Variants in SBF2 observed in about 807,000 individuals in gnomAD.
SBF2 encodes the protein myotubularin-related protein 13.
Under a neutral mutation model 225.2 loss-of-function variants are expected in SBF2, and 112 were observed. The ratio of observed to expected loss-of-function variants is 0.50; its 90% CI spans 0.43 to 0.58. SBF2 has a LOEUF of 0.58. Among genes scored for constraint, SBF2 ranks in the 20% least tolerant of loss-of-function variants. SBF2 has a pLI of 0.00. For missense variants in SBF2, 1,996 were observed against 2,206.2 expected (o/e 0.90, Z 1.91); for synonymous variants, 763 against 773.3 (o/e 0.99, Z 0.22).
chr11:10,063,846 CACA>C (rs1950532695), intron 2 of SBF2, among the ~76,000 whole-genome samples: 1 of 136,840 alleles, frequency 7.3e-6, no homozygotes, highest in Non-Finnish European at 1.6e-5. Context: ...CACACACACA[CACA>C]CACACACACA....
At chr11:9,851,135 C>CAAAAAAAAAAA (rs773210379) in intron 21 of SBF2, among the ~76,000 whole-genome samples, 16 of 72,408 alleles carry the variant, frequency 2.2e-4, no homozygotes, top group Non-Finnish European at 3.1e-4. Context: ...GACTCCATCT[C>CAAAAAAAAAAA]AAAAAAAAAA....
At chr11:9,936,865 A>C (rs559143328) in intron 16 of SBF2, among the ~76,000 whole-genome samples, 1 of 152,270 alleles carries the variant, frequency 6.6e-6, no homozygotes, top group East Asian at 1.9e-4. Context: ...ACAAGTTCAT[A>C]GTTGCAGCAA....
intron 1 of SBF2, among the ~76,000 whole-genome samples, chr11:10,300,814 T>C (rs1300089626): frequency 1.3e-5 from 2 of 150,604 alleles, no homozygotes; most frequent in African/African-American, 2.4e-5. Flanking sequence ...TCTCTCTCTT[T>C]TTTTTTTTTT....
At chr11:10,032,700 T>C (rs1949304053) in intron 3 of SBF2, among the ~76,000 whole-genome samples, 1 of 152,242 alleles carries the variant, frequency 6.6e-6, no homozygotes, top group Admixed American at 6.5e-5. Flanking sequence ...GTTTTTTAGT[T>C]TGTCTGTCAA....
intron 2 of SBF2, among the ~76,000 whole-genome samples, chr11:10,152,697 A>C (rs1955267262): frequency 1.3e-5 from 2 of 152,214 alleles, no homozygotes; most frequent in Non-Finnish European, 2.9e-5. Flanking sequence ...GAGAACAATG[A>C]CACAAAAAGT....
intron 2 of SBF2, among the ~76,000 whole-genome samples, chr11:10,140,336 T>C (rs929097982): frequency 6.6e-6 from 1 of 152,218 alleles, no homozygotes; most frequent in African/African-American, 2.4e-5. Flanking sequence ...TCTCCTGATG[T>C]CTTACAAAGA....
rs530285320 is a variant in SBF2 at position 10,100,621 on chromosome 11, T to C, written c.142-57640A>G. ...CCTGGTCATGGAGTGCTTATAGCTG[T>C]AGCCCCACTATGAGGTATCTGGTTT... On this transcript the variant is annotated intron_variant, in intron 2 of 39. Coordinates refer to ENST00000256190, the MANE Select transcript of SBF2 (RefSeq NM_030962.4). Among the ~76,000 whole-genome samples the C allele has an allele frequency of 2.0e-5, 3 of 152,308 alleles. No homozygotes were observed. The East Asian group carries it at 5.8e-4, about 29-fold the overall frequency.
rs944371678 is a variant in SBF2, at chr11:10,216,597, T to G, written c.56-22610A>C. Among the ~76,000 whole-genome samples the G allele has an allele frequency of 2.6e-5, 4 of 152,296 alleles. No homozygotes were observed. The East Asian group carries it at 7.7e-4, about 29-fold the overall frequency. ...TAAAAAGTAAAAAGAGGGCTGGGTG[T>G]GGTGGCTCACGCCTGTAATCCCAGC... is the stretch of plus-strand genomic sequence containing the variant. On this transcript the variant is annotated intron_variant, in intron 1 of 39. Transcript: ENST00000256190.
At chr11:9,824,541 G>A (rs1854957175) in intron 28 of SBF2, among the ~76,000 whole-genome samples, 1 of 142,996 alleles carries the variant, frequency 7.0e-6, no homozygotes, top group Non-Finnish European at 1.5e-5. Context: ...CCAGCCTGGT[G>A]ACAGAGCGAG....
At chr11:10,100,308 T>A (rs549473738) in intron 2 of SBF2, among the ~76,000 whole-genome samples, 1 of 152,228 alleles carries the variant, frequency 6.6e-6, no homozygotes, top group East Asian at 1.9e-4. Context: ...AGGGTGAACC[T>A]GTTGGGCAGT....
In SBF2 at chr11:9,812,579, C is replaced by T; in HGVS notation, c.4108G>A (p.Glu1370Lys). 6.2e-7 allele frequency: 1 copy of T among 1,614,232 alleles called. No individual in the cohort carries two copies. The change falls in exon 30 of 40, where the codon GAA becomes AAA. Residue 1370 changes from glutamate to lysine, a missense_variant. Transcript: ENST00000256190. ...CCCAGCGCTTTCAGGAAGGTCACTT[C>T]TGAGTCAGTAGGGATGGTGCTTGGG... ...CIPSTIPTDSEVTFLKALGDS... is the reference protein window; with the variant it reads ...CIPSTIPTDSKVTFLKALGDS...
chr11:10,059,302 A>C (rs1950352738), intron 2 of SBF2, among the ~76,000 whole-genome samples: 1 of 152,218 alleles, frequency 6.6e-6, no homozygotes, highest in Non-Finnish European at 1.5e-5. Context: ...TCATAGGCTC[A>C]AAATAAAAGC....
chr11:10,196,876 T>TTTTTC (rs71034756), intron 1 of SBF2, among the ~76,000 whole-genome samples: 1 of 119,102 alleles, frequency 8.4e-6, no homozygotes, highest in African/African-American at 3.0e-5. Context: ...ATTTTTTTTT[T>TTTTTC]CCTACAAAAT....
chr11:9,812,431 G>A (rs1193629327), intron 30 of SBF2, 101 bp downstream of exon 30: 8 of 1,244,144 alleles, frequency 6.4e-6, no homozygotes, highest in Non-Finnish European at 9.3e-6. Flanking sequence ...ATGTTGGGGA[G>A]TAGGGGAACA....
At chr11:10,095,085 G>A (rs898908436) in intron 2 of SBF2, among the ~76,000 whole-genome samples, 4 of 151,740 alleles carry the variant, frequency 2.6e-5, no homozygotes, top group African/African-American at 9.7e-5. Context: ...CCACCATGCC[G>A]AGCTAAATTT....
intron 2 of SBF2, among the ~76,000 whole-genome samples, chr11:10,082,418 C>A (rs1330083873): frequency 2.0e-5 from 3 of 152,022 alleles, no homozygotes; most frequent in South Asian, 4.1e-4. Flanking sequence ...AGTAAATACA[C>A]AACAATGACG....
At chr11:10,276,657 A>G (rs140763375) in intron 1 of SBF2, among the ~76,000 whole-genome samples, 3 of 152,348 alleles carry the variant, frequency 2.0e-5, no homozygotes, top group African/African-American at 4.8e-5. Context: ...ATGAACATGG[A>G]CAAATTATTT....
At chr11:10,084,269 G>C (rs1175225007) in intron 2 of SBF2, among the ~76,000 whole-genome samples, 2 of 151,582 alleles carry the variant, frequency 1.3e-5, no homozygotes, top group Non-Finnish European at 2.9e-5. Flanking sequence ...GTGTGCAAAA[G>C]ACATGAACAG....
intron 9 of SBF2, among the ~76,000 whole-genome samples, chr11:9,994,628 T>C (rs1453766504): frequency 2.8e-5 from 4 of 145,078 alleles, no homozygotes; most frequent in Non-Finnish European, 6.0e-5. Flanking sequence ...TACACTAAAC[T>C]ATAAAATAGT....
Sources: allele counts gnomAD v4.1 joint callset (sites outside exome capture counted in the v4.1 genomes callset), GRCh38; gene constraint gnomAD v4.1.1; transcripts MANE v1.5; gene names NCBI Gene and HGNC (gene_info 2026-07-23, HGNC 2026-07-21).